The following CDK12 variants were observed in gnomAD, a reference collection of about 807,000 sequenced individuals.
CDK12 encodes cyclin-dependent kinase 12.
A neutral mutation model predicts 133.8 loss-of-function variants in CDK12; 17 were observed. The ratio of observed to expected loss-of-function variants is 0.13; its 90% CI spans 0.09 to 0.19. The LOEUF (loss-of-function observed/expected upper bound fraction) is 0.19, where lower values mean the gene tolerates loss of function less well. Ranked by LOEUF, CDK12 falls within the 10% of genes least tolerant of loss-of-function variation. The pLI is 1.00. For synonymous variants in CDK12, 694 were observed against 683.6 expected (o/e 1.02, Z -0.24); for missense variants, 1,508 against 1,818.7 (o/e 0.83, Z 3.11).
chr17:39,472,217 C>G (rs1467514703), intron 2 of CDK12, among the ~76,000 whole-genome samples: 1 of 152,000 alleles, frequency 6.6e-6, no homozygotes, highest in African/African-American at 2.4e-5. Context: ...CTCCTGACCT[C>G]AAGTGATTTT....
At chr17:39,499,733 C>T (rs376210524) in intron 5 of CDK12, among the ~76,000 whole-genome samples, 14 of 151,756 alleles carry the variant, frequency 9.2e-5, no homozygotes, top group African/African-American at 1.9e-4. Context: ...AGGTTGGTCT[C>T]GAACTCCTGA....
At position 39,462,178 on chromosome 17, in the gene CDK12, A is replaced by T. The variant is rs1181181380; in HGVS notation, c.107A>T (p.His36Leu). Residue 36 changes from histidine (H) to leucine (L), a missense_variant, in exon 1 of 14, where the codon CAC becomes CTC. His to Leu is a moderately conservative substitution (Grantham distance 99, BLOSUM62 -3). Around this residue, in one of 9 missense-constraint regions of CDK12, gnomAD observed 460 missense variants for 490.8 expected, o/e 0.94. Coordinates refer to ENST00000447079, the MANE Select transcript of CDK12 (RefSeq NM_016507.4). The part of the protein sequence containing the change: ...GGGSSNSRER[H>L]RLVSKHKRHK... ...GGCAGCTCTAACAGCAGAGAGCGTC[A>T]CCGCTTGGTATCGAAGCACAAGCGG... is the stretch of plus-strand genomic sequence containing the variant. 1.9e-6 allele frequency: 3 copies of T among 1,614,206 alleles called. No homozygotes were observed. Among genetic ancestry groups the T allele is most frequent in the Non-Finnish European group, 2.5e-6 (3 of 1,180,028 alleles).
chr17:39,542,504 T>C (rs543645166), intron 1 of CDK12, among the ~76,000 whole-genome samples: 1 of 150,454 alleles, frequency 6.6e-6, no homozygotes, highest in Non-Finnish European at 1.5e-5. Flanking sequence ...TATTTTCTTT[T>C]TCTTTTTCTT....
At chr17:39,468,184 C>T (rs951578810) in intron 1 of CDK12, among the ~76,000 whole-genome samples, 8 of 151,988 alleles carry the variant, frequency 5.3e-5, no homozygotes, top group African/African-American at 1.7e-4. Context: ...CGTGAGCCAC[C>T]GCGCCCAGCT....
At chr17:39,547,338 G>T (rs563094019), upstream of CDK12, among the ~76,000 whole-genome samples, 1 of 152,138 alleles carries the variant, frequency 6.6e-6, no homozygotes, top group East Asian at 1.9e-4. Flanking sequence ...GTTTCTCCAT[G>T]ATGATGAGGC....
chr17:39,480,177 G>T (rs529297104), intron 2 of CDK12, among the ~76,000 whole-genome samples: 2 of 152,052 alleles, frequency 1.3e-5, no homozygotes, highest in East Asian at 3.9e-4. Context: ...ACTCATCTGG[G>T]CCTCCCAAAG....
chr17:39,514,518 T>C (rs997767249), intron 8 of CDK12, among the ~76,000 whole-genome samples: 1 of 152,186 alleles, frequency 6.6e-6, no homozygotes, highest in Non-Finnish European at 1.5e-5. Context: ...GATATTCATG[T>C]AATCTTTGAG....
At chr17:39,482,894 G>T (rs1029471610) in intron 2 of CDK12, among the ~76,000 whole-genome samples, 6 of 145,810 alleles carry the variant, frequency 4.1e-5, no homozygotes, top group Non-Finnish European at 6.0e-5. Flanking sequence ...GAGCCACTAT[G>T]CCTGCCTCAA....
At chr17:39,518,331 AT>A (rs879557213) in intron 10 of CDK12, among the ~76,000 whole-genome samples, 107 of 129,734 alleles carry the variant, frequency 8.2e-4, no homozygotes, top group Non-Finnish European at 9.8e-4. Context: ...CACACCTGGC[AT>A]TTTTTTTTTT....
intron 4 of CDK12, among the ~76,000 whole-genome samples, chr17:39,493,969 C>G (rs1465007257): frequency 2.0e-5 from 3 of 152,052 alleles, no homozygotes; most frequent in Admixed American, 6.6e-5. Flanking sequence ...GCCCTGCAGC[C>G]TGGGTGACAG....
At chr17:39,554,893 CAAAAAAAAAAA>C (rs11367982) in intron 2 of CDK12, among the ~76,000 whole-genome samples, 1 of 87,344 alleles carries the variant, frequency 1.1e-5, no homozygotes, top group South Asian at 4.4e-4. Context: ...GACTCCGTCT[CAAAAAAAAAAA>C]AAAAAAAAAG....
chr17:39,476,716 T>TTTTTTTTTTTTTC (rs2050229265), intron 2 of CDK12, among the ~76,000 whole-genome samples: 1 of 100,766 alleles, frequency 9.9e-6, no homozygotes, highest in Non-Finnish European at 2.0e-5. Context: ...CCTGCCTTTT[T>TTTTTTTTTTTTTC]TTTTTTTTTT....
intron 12 of CDK12, 97 bp downstream of exon 12, chr17:39,524,982 G>A: frequency 9.4e-7 from 1 of 1,062,432 alleles, no homozygotes; most frequent in Non-Finnish European, 1.3e-6. Context: ...CTGTTTTTTA[G>A]TTTTTGGTCC....
At chr17:39,466,079 G>T (rs529175576) in intron 1 of CDK12, among the ~76,000 whole-genome samples, 22 of 151,822 alleles carry the variant, frequency 1.4e-4, no homozygotes, top group African/African-American at 4.8e-4. Flanking sequence ...AGGCCAAGGC[G>T]GGCAGATCTC....
intron 1 of CDK12, among the ~76,000 whole-genome samples, chr17:39,468,522 C>T (rs1471575294): frequency 6.6e-6 from 1 of 151,992 alleles, no homozygotes; most frequent in African/African-American, 2.4e-5. Context: ...GTTGCCCAGG[C>T]TGGAGTGCAT....
chr17:39,509,797 G>A (rs1048585460), intron 7 of CDK12, 36 bp downstream of exon 7: 4 of 1,522,144 alleles, frequency 2.6e-6, no homozygotes, highest in Non-Finnish European at 2.7e-6. Context: ...TGGGAAATAA[G>A]GTTTGTTTTG....
chr17:39,492,682 TA>T, intron 3 of CDK12, 68 bp from the exon 4 acceptor site: 1 of 1,260,592 alleles, frequency 7.9e-7, no homozygotes, highest in Non-Finnish European at 1.1e-6. Context: ...GTGCTGGGAT[TA>T]CAGGCATGAG....
intron 2 of CDK12, among the ~76,000 whole-genome samples, chr17:39,489,882 C>T (rs1388078145): frequency 6.9e-6 from 1 of 145,312 alleles, no homozygotes; most frequent in African/African-American, 2.5e-5. Flanking sequence ...TCAAGCAATC[C>T]TCTTGCCTCA....
At chr17:39,522,165 A>C (rs2033007212) in intron 11 of CDK12, among the ~76,000 whole-genome samples, 1 of 151,900 alleles carries the variant, frequency 6.6e-6, no homozygotes, top group South Asian at 2.1e-4. Flanking sequence ...GCTGGAGTGC[A>C]GTGGTGTGAT....
Sources: allele counts gnomAD v4.1 joint callset (sites outside exome capture counted in the v4.1 genomes callset), GRCh38; gene constraint gnomAD v4.1.1; regional missense constraint gnomAD v4.1.1; transcripts MANE v1.5; gene names NCBI Gene and HGNC (gene_info 2026-07-23, HGNC 2026-07-21).